ANKRD24: variants seen among roughly 807,000 people sequenced by gnomAD.
The protein encoded by ANKRD24 is ankyrin repeat domain 24, also known as ankyrin repeat domain-containing protein 24.
Under a neutral mutation model 127.8 loss-of-function variants are expected in ANKRD24, and 109 were observed. The observed-to-expected ratio is 0.85, with a 90% CI of 0.73 to 1.00. ANKRD24 has a LOEUF of 1.00. Among genes scored for constraint, ANKRD24 ranks in the 50% least tolerant of loss-of-function variants. The probability of loss-of-function intolerance (pLI) is 0.00; values close to 1 mark genes in which losing one functional copy is unlikely to be tolerated. For synonymous variants in ANKRD24, 743 were observed against 671.1 expected, an observed-to-expected ratio of 1.11 and a Z score of -1.66; for missense variants, 1,648 against 1,570.2, an observed-to-expected ratio of 1.05 and a Z score of -0.84.
Position 4,217,737 on chromosome 19 carries a change from G to T in ANKRD24, c.2577G>T (p.Thr859=). The change falls in exon 18 of 22, where the codon ACG becomes ACT. Residue 859 remains threonine, a synonymous_variant. Coordinates refer to ENST00000318934, the MANE Select transcript of ANKRD24 (RefSeq NM_001393985.1). ...AGGTTCTGCGGGAGCAGCTGGCCAC[G>T]GCCAGGGCCACGGGGGAGCAGCAGC... ...ELEVLREQLA[T]ARATGEQQRT... is the part of the protein sequence containing the mutation. The T allele has an allele frequency of 7.7e-7, 1 of 1,294,654 alleles. No individual in the cohort carries two copies. The highest frequency in any genetic ancestry group is 1.6e-5 in the African/African-American group (1 of 63,730). 80.2% of individuals were successfully genotyped at this position (1,294,654 alleles called of 1,614,324 possible). A position where few individuals can be genotyped will look rare whatever the true frequency, so the allele number is the denominator to read the frequency against.
At chr19:4,208,389 C>G (rs985652976) in intron 10 of ANKRD24, among the ~76,000 whole-genome samples, 1 of 152,116 alleles carries the variant, frequency 6.6e-6, no homozygotes. Context: ...TCTCCTGCCT[C>G]ACCTTCCAGA....
chr19:4,184,628 G>A (rs1967953358), intron 1 of ANKRD24, among the ~76,000 whole-genome samples: 1 of 152,202 alleles, frequency 6.6e-6, no homozygotes, highest in African/African-American at 2.4e-5. Context: ...CCCACGGATT[G>A]TCTTCTCCCA....
Position 4,207,944 on chromosome 19 carries a change from GCCCAGCGCCC to G in ANKRD24, c.810_819del (p.Gln271ProfsTer54). The G allele has an allele frequency of 6.6e-7, 1 of 1,519,886 alleles. No individual in the cohort carries two copies. Among genetic ancestry groups the G allele is most frequent in the Non-Finnish European group, 8.8e-7 (1 of 1,136,348 alleles). The allele number at this position is 1,519,886 out of a possible 1,614,324, so 94.1% of individuals were successfully genotyped here. On this transcript the variant is annotated frameshift_variant, in exon 10 of 22. Transcript: ENST00000318934. LOFTEE classifies it high-confidence loss of function. ...CATCCTGCACCTTCTGCAAGAGGCG[GCCCAGCGCCC>G]CTCCCCACCCAGCGGTATGCAAGCC...
intron 13 of ANKRD24, among the ~76,000 whole-genome samples, chr19:4,211,665 A>T (rs1408328929): frequency 6.6e-6 from 1 of 151,946 alleles, no homozygotes; most frequent in African/African-American, 2.4e-5. Context: ...CCACAACAAC[A>T]ACAAACAAAA....
rs770796458 is a variant in ANKRD24 at position 4,216,897 on chromosome 19, TGAGGCCACGGGAGCC to T, written c.1752_1766del (p.Glu590_Ala594del). ...CCATGGAAGCCAGGACTATGGAAGC[TGAGGCCACGGGAGCC>T]GAGGCCACGGGAGCTGAGGCCACAG... On this transcript the variant is annotated inframe_deletion, in exon 18 of 22. Coordinates refer to ENST00000318934, the MANE Select transcript of ANKRD24 (RefSeq NM_001393985.1). 2.7e-4 allele frequency: 430 copies of T among 1,610,874 alleles called. 7 individuals carry two copies. Among genetic ancestry groups the T allele is most frequent in the African/African-American group, 1.1e-3 (79 of 74,834 alleles).
At position 4,186,743 on chromosome 19, in the gene ANKRD24, C is replaced by T. The variant is rs529926836; in HGVS notation, c.36+282C>T. ...CAATTTGGCCCCAGTACCACCTCCC[C>T]GTCCAATCTCCGCTCTCCCCGGCCA... On this transcript the variant is annotated intron_variant, in intron 2 of 21. Transcript: ENST00000318934. Among the ~76,000 whole-genome samples the T allele has an allele frequency of 6.6e-5, 10 of 152,268 alleles. No homozygotes were observed. The South Asian group carries it at 1.7e-3, about 25-fold the overall frequency.
At position 4,199,717 on chromosome 19, in the gene ANKRD24, C is replaced by T. The variant is rs774444889; in HGVS notation, c.71C>T (p.Pro24Leu). Residue 24 changes from proline to leucine, a missense_variant, in exon 3 of 22, where the codon CCG (proline) becomes CTG (leucine). Physicochemically the swap from Pro to Leu is moderately conservative, Grantham distance 98. Transcript: ENST00000318934. The surrounding 1 kb of genome is among the most constrained non-coding windows in gnomAD (Gnocchi z 5.2). The part of the protein sequence containing the change: ...RLSPTDLGSC[P>L]PCGPCPIPKP... ...AGCCCCACTGACCTTGGCTCCTGCC[C>T]GCCCTGCGGCCCCTGCCCCATCCCG... 18 of 1,538,486 alleles carry T rather than the reference C, an allele frequency of 1.2e-5. No homozygotes were observed. The highest frequency in any genetic ancestry group is 5.5e-5 in the African/African-American group (4 of 73,014).
chr19:4,195,170 G>T lies in ANKRD24; in HGVS notation c.37-4513G>T, dbSNP rs144278327. Among the ~76,000 whole-genome samples the T allele has an allele frequency of 0.039, 5,973 of 151,472 alleles. 396 individuals carry two copies. The highest frequency in any genetic ancestry group is 0.35 in the East Asian group (1,771 of 5,116). On this transcript the variant is annotated intron_variant, in intron 2 of 21. Transcript: ENST00000318934. The surrounding 1 kb of genome is among the most constrained non-coding windows in gnomAD (Gnocchi z 4.2). ...TCACTGCAAGCTCCGCCTCCCGGGT[G>T]CACGCCATTCTCCTGCCTCAGTCTC... is the stretch of plus-strand genomic sequence containing the variant.
chr19:4,199,711 C>T lies in ANKRD24; in HGVS notation c.65C>T (p.Ser22Phe), dbSNP rs1295715961. The change falls in exon 3 of 22, where the codon TCC becomes TTC. Residue 22 changes from serine to phenylalanine, a missense_variant. Coordinates refer to ENST00000318934, the MANE Select transcript of ANKRD24 (RefSeq NM_001393985.1). This position sits in a 1 kb window ranked among gnomAD's most constrained non-coding sequence, Gnocchi z 5.2. Reference protein sequence around the residue: ...ELRLSPTDLGSCPPCGPCPIP... With the variant: ...ELRLSPTDLGFCPPCGPCPIP... ...CGGCTCAGCCCCACTGACCTTGGCTCCTGCCCGCCCTGCGGCCCCTGCCCC... is the reference window on the plus strand; with the variant it reads ...CGGCTCAGCCCCACTGACCTTGGCTTCTGCCCGCCCTGCGGCCCCTGCCCC... 7.2e-6 allele frequency: 11 copies of T among 1,538,046 alleles called. No individual in the cohort carries two copies. Among genetic ancestry groups the T allele is most frequent in the South Asian group, 1.2e-5 (1 of 83,746 alleles).
At chr19:4,220,010 G>T (rs1214367015) in intron 19 of ANKRD24, among the ~76,000 whole-genome samples, 1 of 152,144 alleles carries the variant, frequency 6.6e-6, no homozygotes, top group Non-Finnish European at 1.5e-5. Flanking sequence ...ACGGAGTCTC[G>T]CTCTGTCGCC....
Position 4,216,648 on chromosome 19 carries a change from T to C in ANKRD24, c.1488T>C (p.Phe496=). 4 of 1,605,690 alleles carry C rather than the reference T, an allele frequency of 2.5e-6. No individual in the cohort carries two copies. Among genetic ancestry groups the C allele is most frequent in the Non-Finnish European group, 3.4e-6 (4 of 1,176,274 alleles). The change falls in exon 18 of 22, where the codon TTT becomes TTC. Residue 496 remains phenylalanine (F), a synonymous_variant. Coordinates refer to ENST00000318934, the MANE Select transcript of ANKRD24 (RefSeq NM_001393985.1). ...LALYDSLRAE[F]DQLRRQHAEA... The stretch of plus-strand genomic sequence containing the variant: ...TCTATGACTCTCTCCGGGCCGAGTT[T>C]GACCAGCTACGCAGGCAGCACGCTG...
intron 1 of ANKRD24, among the ~76,000 whole-genome samples, chr19:4,185,889 G>A (rs1968035174): frequency 6.6e-6 from 1 of 152,162 alleles, no homozygotes; most frequent in Non-Finnish European, 1.5e-5. Flanking sequence ...AACCCAATTT[G>A]GGGAGTTAGA....
chr19:4,207,957 C>T lies in ANKRD24; in HGVS notation c.821C>T (p.Ser274Phe), dbSNP rs1969492746. ...HLLQEAAQRP[S>F]PPSALTEDDS... ...CTGCAAGAGGCGGCCCAGCGCCCCT[C>T]CCCACCCAGCGGTATGCAAGCCCCA... The change falls in exon 10 of 22, where the codon TCC becomes TTC. Residue 274 changes from serine to phenylalanine, a missense_variant. Physicochemically the swap from Ser to Phe is radical, Grantham distance 155 (BLOSUM62 -2). Transcript: ENST00000318934. 1.3e-6 allele frequency: 2 copies of T among 1,504,562 alleles called. No homozygotes were observed. The highest frequency in any genetic ancestry group is 1.8e-6 in the Non-Finnish European group (2 of 1,129,216). The allele number at this position is 1,504,562 out of a possible 1,614,324, so 93.2% of individuals were successfully genotyped here. A position where few individuals can be genotyped will look rare whatever the true frequency, so the allele number is the denominator to read the frequency against.
At chr19:4,197,829 A>G (rs1408439763) in intron 2 of ANKRD24, among the ~76,000 whole-genome samples, 2 of 152,192 alleles carry the variant, frequency 1.3e-5, no homozygotes, top group Non-Finnish European at 2.9e-5. Context: ...GAATTAATGC[A>G]TGAAAGGGTG....
rs201157676 is a variant in ANKRD24, at chr19:4,217,099, G to A, written c.1939G>A (p.Ala647Thr). ...GGGGGTGGAGGCCACAAAAACAAAA[G>A]CAGAGGAAGCAGAAATGCAGGCCTA... ...AMGVEATKTK[A>T]EEAEMQAYGV... is the part of the protein sequence containing the mutation. Residue 647 changes from alanine to threonine, a missense_variant, in exon 18 of 22, where the codon GCA becomes ACA. Coordinates refer to ENST00000318934, the MANE Select transcript of ANKRD24 (RefSeq NM_001393985.1). The A allele has an allele frequency of 1.6e-4, 262 of 1,613,772 alleles. No homozygotes were observed. The African/African-American group carries it at 3.0e-3, about 18-fold the overall frequency.
Position 4,219,662 on chromosome 19 carries a change from G to A in ANKRD24, c.3075G>A (p.Gln1025=), listed in dbSNP as rs1256687625. Residue 1025 remains glutamine, a synonymous_variant, in exon 19 of 22, where the codon CAG becomes CAA. Coordinates refer to ENST00000318934, the MANE Select transcript of ANKRD24 (RefSeq NM_001393985.1). ...AAEAQLATAE[Q]QLRGLRTEAE... ...AGGCACAGCTGGCCACAGCAGAGCA[G>A]CAGCTACGGGGGCTACGGACCGAGG... 3 of 1,613,804 alleles carry A rather than the reference G, an allele frequency of 1.9e-6. No homozygotes were observed. The highest frequency in any genetic ancestry group is 2.5e-6 in the Non-Finnish European group (3 of 1,179,866).
intron 7 of ANKRD24, among the ~76,000 whole-genome samples, chr19:4,206,547 C>T (rs1307405025): frequency 6.6e-6 from 1 of 151,156 alleles, no homozygotes; most frequent in Non-Finnish European, 1.5e-5. Flanking sequence ...TAATCCCAGC[C>T]CCTTGGGAGG....
In ANKRD24 at chr19:4,216,996, A is replaced by T. The variant is rs189604473; in HGVS notation, c.1836A>T (p.Thr612=). 66 of 1,613,414 alleles carry T rather than the reference A, an allele frequency of 4.1e-5. No individual in the cohort carries two copies. The highest frequency in any genetic ancestry group is 5.3e-5 in the Non-Finnish European group (63 of 1,179,720). ...TGAEVREMET[T]EEEANMETKP... ...CTGAGGTCAGAGAAATGGAGACCAC[A>T]GAAGAAGAAGCAAACATGGAAACTA... The change falls in exon 18 of 22, where the codon ACA becomes ACT. Residue 612 remains threonine, a synonymous_variant. Coordinates refer to ENST00000318934, the MANE Select transcript of ANKRD24 (RefSeq NM_001393985.1).
chr19:4,218,157 C>G lies in ANKRD24; in HGVS notation c.2997C>G (p.Val999=). The change falls in exon 18 of 22, where the codon GTC becomes GTG. Residue 999 remains valine, a synonymous_variant. Transcript: ENST00000318934. ...GRRHEKTSAE[V]FQVQREALFM... ...GGCATGAGAAGACCAGCGCAGAGGT[C>G]TTCCAGGTGAGCAGGGCTGGTCACC... The G allele has an allele frequency of 6.7e-7, 1 of 1,500,310 alleles. No homozygotes were observed. The highest frequency in any genetic ancestry group is 8.9e-7 in the Non-Finnish European group (1 of 1,123,800). 92.9% of individuals were successfully genotyped at this position (1,500,310 alleles called of 1,614,324 possible). A position where few individuals can be genotyped will look rare whatever the true frequency, so the allele number is the denominator to read the frequency against.
Sources: allele counts gnomAD v4.1 joint callset (sites outside exome capture counted in the v4.1 genomes callset), GRCh38; gene constraint gnomAD v4.1.1; non-coding constraint Gnocchi (gnomAD v3.1); transcripts MANE v1.5; gene names NCBI Gene and HGNC (gene_info 2026-07-23, HGNC 2026-07-21).